CELF2: variants seen among roughly 807,000 people sequenced by gnomAD.
CELF2 encodes CUGBP Elav-like family member 2.
A neutral mutation model predicts 62.6 loss-of-function variants in CELF2; 8 were observed. The observed-to-expected ratio is 0.13, with a 90% CI of 0.07 to 0.23. The LOEUF is 0.23. Ranked by LOEUF, CELF2 falls within the 10% of genes least tolerant of loss-of-function variation. The pLI is 1.00. For synonymous variants in CELF2, 258 were observed against 250.0 expected (o/e 1.03, Z -0.30); for missense variants, 333 against 671.0 (o/e 0.50, Z 5.56).
chr10:11,152,387 T>C (rs548042273), intron 1 of CELF2, among the ~76,000 whole-genome samples: 1 of 152,114 alleles, frequency 6.6e-6, no homozygotes, highest in South Asian at 2.1e-4. Flanking sequence ...TGACACCAAG[T>C]AGGTTCTCAG....
At chr10:10,675,778 ACT>A in the CELF2 span, among the ~76,000 whole-genome samples, 1 of 151,966 alleles carries the variant, frequency 6.6e-6, no homozygotes. Flanking sequence ...CATTTCTGTT[ACT>A]GTGTTTTTGA....
the CELF2 span, among the ~76,000 whole-genome samples, chr10:10,588,620 C>T: frequency 1.3e-5 from 2 of 152,250 alleles, no homozygotes; most frequent in South Asian, 4.1e-4. Context: ...TTGTAGATGA[C>T]TCAAGTTTGT....
chr10:10,870,655 ATT>A (rs1251971303), intron 1 of CELF2, among the ~76,000 whole-genome samples: 1 of 152,176 alleles, frequency 6.6e-6, no homozygotes, highest in African/African-American at 2.4e-5. Context: ...CAATTAGTAA[ATT>A]CTCTGGTTAC....
the CELF2 span, among the ~76,000 whole-genome samples, chr10:10,468,303 G>T: frequency 0.011 from 1,677 of 152,026 alleles, 31 homozygotes; most frequent in African/African-American, 0.039. Flanking sequence ...TAAAACTGTT[G>T]CCATGACCTT....
At chr10:10,986,607 T>C (rs1405582214) in intron 2 of CELF2, among the ~76,000 whole-genome samples, 1 of 152,216 alleles carries the variant, frequency 6.6e-6, no homozygotes. Flanking sequence ...TATCTTTACA[T>C]TGGAATACAG....
At chr10:11,291,484 G>T (rs144342155) in intron 9 of CELF2, among the ~76,000 whole-genome samples, 34 of 152,216 alleles carry the variant, frequency 2.2e-4, no homozygotes, top group African/African-American at 8.2e-4. Context: ...AATTGCCCAT[G>T]GTTAAAATAA....
chr10:10,799,342 G>A (rs2054407656), intron 1 of CELF2, among the ~76,000 whole-genome samples: 1 of 152,100 alleles, frequency 6.6e-6, no homozygotes, highest in South Asian at 2.1e-4. Context: ...AAATTAGCCA[G>A]GTGTGGTGGT....
the CELF2 span, among the ~76,000 whole-genome samples, chr10:10,522,612 C>G: frequency 1.3e-5 from 2 of 152,070 alleles, no homozygotes; most frequent in Admixed American, 6.6e-5. Context: ...TCTTATTGTC[C>G]AGGCTGGAAT....
At chr10:10,852,630 G>A (rs968098681) in intron 1 of CELF2, among the ~76,000 whole-genome samples, 1 of 152,118 alleles carries the variant, frequency 6.6e-6, no homozygotes, top group Non-Finnish European at 1.5e-5. Context: ...ATCTGAATAC[G>A]ATCCATGGAT....
At chr10:10,533,845 G>A in the CELF2 span, among the ~76,000 whole-genome samples, 1 of 152,090 alleles carries the variant, frequency 6.6e-6, no homozygotes, top group Non-Finnish European at 1.5e-5. Context: ...AGAGAGCTGA[G>A]GCACACAGAT....
At chr10:11,301,236 A>G (rs1591041203) in intron 9 of CELF2, among the ~76,000 whole-genome samples, 1 of 152,058 alleles carries the variant, frequency 6.6e-6, no homozygotes, top group Non-Finnish European at 1.5e-5. Context: ...CTTTAGAAGG[A>G]TGGAGGAATA....
intron 1 of CELF2, among the ~76,000 whole-genome samples, chr10:11,161,498 T>C (rs1164191080): frequency 6.6e-6 from 1 of 152,236 alleles, no homozygotes; most frequent in Non-Finnish European, 1.5e-5. Flanking sequence ...TCACATTCTC[T>C]AGGCACCTTT....
chr10:10,710,950 T>A, the CELF2 span, among the ~76,000 whole-genome samples: 10 of 152,062 alleles, frequency 6.6e-5, 1 homozygote, highest in Non-Finnish European at 1.2e-4. Context: ...TTAACTGTGG[T>A]TTTTAGAGTT....
the CELF2 span, among the ~76,000 whole-genome samples, chr10:10,768,341 G>A: frequency 3.3e-5 from 5 of 152,046 alleles, no homozygotes; most frequent in Non-Finnish European, 4.4e-5. Context: ...TAGTGGTAAT[G>A]TGGCAGGGAC....
chr10:10,907,091 G>C (rs2063410986), intron 1 of CELF2, among the ~76,000 whole-genome samples: 1 of 151,744 alleles, frequency 6.6e-6, no homozygotes, highest in Admixed American at 6.6e-5. Context: ...TTTCCTTTTT[G>C]TTCAAAGACA....
At chr10:11,287,471 A>C (rs760015960) in intron 8 of CELF2, among the ~76,000 whole-genome samples, 2 of 152,234 alleles carry the variant, frequency 1.3e-5, no homozygotes, top group Non-Finnish European at 2.9e-5. Flanking sequence ...CTCTCAGCTA[A>C]TCCCACTCTT....
chr10:10,718,000 C>T, the CELF2 span, among the ~76,000 whole-genome samples: 2 of 152,062 alleles, frequency 1.3e-5, no homozygotes, highest in Admixed American at 6.6e-5. Context: ...AATTGTTTCA[C>T]TCCAATAACA....
rs1293730959 is a variant in CELF2, at chr10:11,159,816, A to G, written c.75-5670A>G. ...AACAAAGCCTGTTTCTTCGTGTGCTATTACTTAAGTACAAGTGATATTTAA... is the reference window on the plus strand; with the variant it reads ...AACAAAGCCTGTTTCTTCGTGTGCTGTTACTTAAGTACAAGTGATATTTAA... On this transcript the variant is annotated intron_variant, in intron 1 of 12. Coordinates refer to ENST00000633077, the MANE Select transcript of CELF2 (RefSeq NM_001326342.2). This position sits in a 1 kb window ranked among gnomAD's most constrained non-coding sequence, Gnocchi z 5.0. 6.6e-6 allele frequency among the ~76,000 whole-genome samples: 1 copy of G among 152,208 alleles called. No individual in the cohort carries two copies. Among genetic ancestry groups the G allele is most frequent in the East Asian group, 1.9e-4 (1 of 5,200 alleles).
intron 3 of CELF2, among the ~76,000 whole-genome samples, chr10:11,233,256 A>G (rs1332040492): frequency 6.6e-6 from 1 of 152,218 alleles, no homozygotes; most frequent in Non-Finnish European, 1.5e-5. Context: ...ACCTTACGCC[A>G]TGGGCTTTCA....
Sources: gnomAD v4.1 joint callset for allele counts (sites outside exome capture counted in the v4.1 genomes callset) on GRCh38, gnomAD v4.1.1 for gene constraint, Gnocchi (gnomAD v3.1) non-coding constraint, MANE v1.5 for transcripts, NCBI Gene and HGNC (gene_info 2026-07-23, HGNC 2026-07-21) for gene names.